Variants in NUBPL observed in about 807,000 individuals in gnomAD.
NUBPL encodes NUBP iron-sulfur cluster assembly factor, mitochondrial.
Under a neutral mutation model 45.7 loss-of-function variants are expected in NUBPL, and 31 were observed. That is an observed-to-expected ratio of 0.68 (90% CI 0.51 to 0.92). The LOEUF is 0.92. Ranked by LOEUF, NUBPL falls within the 40% of genes least tolerant of loss-of-function variation. The pLI is 0.00. For synonymous variants in NUBPL, 144 were observed against 140.9 expected, an observed-to-expected ratio of 1.02 and a Z score of -0.15; for missense variants, 401 against 398.7, an observed-to-expected ratio of 1.01 and a Z score of -0.05.
intron 3 of NUBPL, among the ~76,000 whole-genome samples, chr14:31,586,817 G>A (rs1394659899): frequency 2.0e-5 from 3 of 152,092 alleles, no homozygotes; most frequent in Non-Finnish European, 2.9e-5. Flanking sequence ...ATATCCTCTA[G>A]TTGTAAAAAA....
At chr14:31,631,594 C>A (rs1461240340) in intron 4 of NUBPL, among the ~76,000 whole-genome samples, 1 of 151,800 alleles carries the variant, frequency 6.6e-6, no homozygotes, top group African/African-American at 2.4e-5. Flanking sequence ...CCCAGAAGGG[C>A]TAATGGTGTA....
At chr14:31,668,856 T>C (rs2036502389) in intron 4 of NUBPL, among the ~76,000 whole-genome samples, 1 of 152,104 alleles carries the variant, frequency 6.6e-6, no homozygotes. Context: ...CTGCCTACCC[T>C]CAGTGGGCTG....
rs530036382 is a variant in NUBPL at position 31,683,773 on chromosome 14, A to G, written c.513+10199A>G. On this transcript the variant is annotated intron_variant, in intron 6 of 10. Transcript: ENST00000281081. ...TCTTAAAAATCTTCATTTTTTTTCTATGTTGTGGGTCTGCTGGTGATGAAT... is the reference window on the plus strand; with the variant it reads ...TCTTAAAAATCTTCATTTTTTTTCTGTGTTGTGGGTCTGCTGGTGATGAAT... Among the ~76,000 whole-genome samples the G allele has an allele frequency of 2.0e-5, 3 of 150,906 alleles. No individual in the cohort carries two copies. The South Asian group carries it at 6.3e-4, about 32-fold the overall frequency.
chr14:31,809,933 G>A (rs893604921), intron 7 of NUBPL, among the ~76,000 whole-genome samples: 22 of 152,184 alleles, frequency 1.4e-4, no homozygotes, highest in African/African-American at 5.1e-4. Flanking sequence ...AGTTTTGAGT[G>A]AGTTTCTTAA....
At chr14:31,587,078 T>G (rs1415329591) in intron 3 of NUBPL, among the ~76,000 whole-genome samples, 1 of 152,202 alleles carries the variant, frequency 6.6e-6, no homozygotes, top group African/African-American at 2.4e-5. Context: ...GGACTGGTGC[T>G]AACTTCCTGC....
chr14:31,666,263 A>ACTATTT, intron 4 of NUBPL, among the ~76,000 whole-genome samples: 3 of 111,874 alleles, frequency 2.7e-5, no homozygotes, highest in Non-Finnish European at 3.8e-5. Flanking sequence ...ATATATATAT[A>ACTATTT]ATTTTATTTT....
At chr14:31,841,273 T>G (rs891272643) in intron 8 of NUBPL, among the ~76,000 whole-genome samples, 1 of 152,224 alleles carries the variant, frequency 6.6e-6, no homozygotes, top group Non-Finnish European at 1.5e-5. Flanking sequence ...AAACAGTTGT[T>G]TAAAATGATT....
At chr14:31,612,516 C>G (rs1313693976) in intron 4 of NUBPL, among the ~76,000 whole-genome samples, 3 of 152,134 alleles carry the variant, frequency 2.0e-5, no homozygotes, top group African/African-American at 7.2e-5. Context: ...CAAAAATTAG[C>G]TGGGCGTGGT....
chr14:31,826,372 C>T (rs1203588127), intron 7 of NUBPL, among the ~76,000 whole-genome samples: 9 of 152,160 alleles, frequency 5.9e-5, no homozygotes, highest in African/African-American at 1.7e-4. Flanking sequence ...CTGCCCACCT[C>T]GGCCTCCCAA....
chr14:31,756,676 A>G (rs931849856), intron 6 of NUBPL, among the ~76,000 whole-genome samples: 6 of 148,278 alleles, frequency 4.0e-5, no homozygotes, highest in Non-Finnish European at 6.0e-5. Flanking sequence ...TCTTTTCCTA[A>G]TTGAATACCC....
rs80120422 is a variant in NUBPL, at chr14:31,643,132, T to C, written c.383-30223T>C. Among the ~76,000 whole-genome samples, 353 of 152,296 alleles carry C rather than the reference T, an allele frequency of 2.3e-3. 1 individual carries two copies. The highest frequency in any genetic ancestry group is 7.8e-3 in the African/African-American group (325 of 41,596). On this transcript the variant is annotated intron_variant, in intron 4 of 10. Coordinates refer to ENST00000281081, the MANE Select transcript of NUBPL (RefSeq NM_025152.3). ...TAATTTGATTTCTTCCTTTCCAATT[T>C]GTATATGCTTTATCTCTTTCTCTTG...
chr14:31,579,226 A>C (rs2033799317), intron 3 of NUBPL, among the ~76,000 whole-genome samples: 1 of 152,164 alleles, frequency 6.6e-6, no homozygotes, highest in Non-Finnish European at 1.5e-5. Flanking sequence ...CCTTTGGGCT[A>C]TTTGGGGTGG....
intron 6 of NUBPL, among the ~76,000 whole-genome samples, chr14:31,682,795 A>G (rs1249720342): frequency 6.6e-6 from 1 of 152,122 alleles, no homozygotes; most frequent in East Asian, 1.9e-4. Flanking sequence ...CAGTCCATTT[A>G]GTGTTGCTAT....
chr14:31,677,333 C>G (rs112408946), intron 6 of NUBPL, among the ~76,000 whole-genome samples: 1,611 of 152,250 alleles, frequency 0.011, 23 homozygotes, highest in African/African-American at 0.037. Flanking sequence ...TTCCCTCCAC[C>G]CCCACCACCC....
At chr14:31,604,244 T>G (rs1015307187) in intron 4 of NUBPL, among the ~76,000 whole-genome samples, 1 of 151,094 alleles carries the variant, frequency 6.6e-6, no homozygotes, top group African/African-American at 2.4e-5. Context: ...AGAAATAAAC[T>G]GAATGATTAA....
chr14:31,736,131 G>A (rs2038160973), intron 6 of NUBPL, among the ~76,000 whole-genome samples: 1 of 152,118 alleles, frequency 6.6e-6, no homozygotes, highest in South Asian at 2.1e-4. Context: ...TGTCTGAAAA[G>A]TATTTTGTGC....
Position 31,787,859 on chromosome 14 carries a change from A to G in NUBPL, c.593A>G (p.Asn198Ser). 2 of 1,607,824 alleles carry G rather than the reference A, an allele frequency of 1.2e-6. No homozygotes were observed. The highest frequency in any genetic ancestry group is 1.7e-6 in the Non-Finnish European group (2 of 1,174,400). Residue 198 changes from asparagine (N) to serine (S), a missense_variant, in exon 7 of 11, where the codon AAT (asparagine) becomes AGT (serine). Coordinates refer to ENST00000281081, the MANE Select transcript of NUBPL (RefSeq NM_025152.3). ...TGDVQLSVSQ[N>S]IPITGAVIVS... ...GATGTGCAGTTATCAGTCTCACAGAATATTCCTATAACAGGTAAATCTTCA... is the reference window on the plus strand; with the variant it reads ...GATGTGCAGTTATCAGTCTCACAGAGTATTCCTATAACAGGTAAATCTTCA...
At chr14:31,767,415 G>A (rs973450894) in intron 6 of NUBPL, among the ~76,000 whole-genome samples, 73 of 151,974 alleles carry the variant, frequency 4.8e-4, no homozygotes, top group African/African-American at 1.6e-3. Context: ...CACCATCACC[G>A]TGTTAGCTAG....
At chr14:31,641,961 G>C (rs898341291) in intron 4 of NUBPL, among the ~76,000 whole-genome samples, 4 of 152,024 alleles carry the variant, frequency 2.6e-5, no homozygotes, top group Non-Finnish European at 4.4e-5. Flanking sequence ...AAATATACTT[G>C]TTGGCCTTTG....
Sources: gnomAD v4.1 joint callset for allele counts (sites outside exome capture counted in the v4.1 genomes callset) on GRCh38, gnomAD v4.1.1 for gene constraint, MANE v1.5 for transcripts, NCBI Gene and HGNC (gene_info 2026-07-23, HGNC 2026-07-21) for gene names.